Variants in CASP9 observed in about 807,000 individuals in gnomAD.
The protein encoded by CASP9 is caspase-9.
CASP9 carries 29 observed loss-of-function variants against 43.5 expected under a neutral mutation model. That is an observed-to-expected ratio of 0.67 (90% confidence interval 0.50 to 0.91). The LOEUF is 0.91. Ranked by LOEUF, CASP9 falls within the 40% of genes least tolerant of loss-of-function variation. The probability of loss-of-function intolerance (pLI) is 0.00; values close to 1 mark genes in which losing one functional copy is unlikely to be tolerated. For synonymous variants in CASP9, 206 were observed against 211.9 expected, an observed-to-expected ratio of 0.97 and a Z score of 0.24; for missense variants, 575 against 537.4, an observed-to-expected ratio of 1.07 and a Z score of -0.69.
chr1:15,520,517 G>A (rs1366895407), intron 1 of CASP9, among the ~76,000 whole-genome samples: 1 of 152,234 alleles, frequency 6.6e-6, no homozygotes, highest in Non-Finnish European at 1.5e-5. Flanking sequence ...ATAGGGTCAG[G>A]TGCTGAAGGG....
chr1:15,518,950 C>G (rs1359731893), intron 1 of CASP9, among the ~76,000 whole-genome samples: 2 of 152,030 alleles, frequency 1.3e-5, no homozygotes, highest in Admixed American at 6.6e-5. Flanking sequence ...TCTCAGCTCA[C>G]TGCAACCTCC....
intron 6 of CASP9, among the ~76,000 whole-genome samples, chr1:15,500,994 ACTGTATGCATGGCTTG>A (rs1709307823): frequency 6.6e-6 from 1 of 152,196 alleles, no homozygotes; most frequent in African/African-American, 2.4e-5. Flanking sequence ...GGTGTTCTGC[ACTGTATGCATGGCTTG>A]GTTCTTGGAG....
At chr1:15,519,041 AT>A (rs35665235) in intron 1 of CASP9, among the ~76,000 whole-genome samples, 31 of 150,054 alleles carry the variant, frequency 2.1e-4, no homozygotes, top group African/African-American at 5.6e-4. Context: ...TACCTGACTA[AT>A]TTTTTTTTTA....
rs116081892 is a variant in CASP9, at chr1:15,508,883, C to T, written c.419-976G>A. ...GAGGCTCTATCTTCCCTTTTGTTAC[C>T]ACAAGACAGTAAAGAAGTAGGCAAC... On this transcript the variant is annotated intron_variant, in intron 2 of 8. Coordinates refer to ENST00000333868, the MANE Select transcript of CASP9 (RefSeq NM_001229.5). 7.4e-3 allele frequency among the ~76,000 whole-genome samples: 1,127 copies of T among 152,164 alleles called. 4 individuals carry two copies. The highest frequency in any genetic ancestry group is 0.012 in the Non-Finnish European group (815 of 68,044).
chr1:15,522,760 C>T (rs914779182), intron 1 of CASP9, among the ~76,000 whole-genome samples: 3 of 152,090 alleles, frequency 2.0e-5, no homozygotes, highest in African/African-American at 7.2e-5. Context: ...TTGATATGGC[C>T]ATACTCAGCT....
In CASP9 at chr1:15,518,134, C is replaced by T; in HGVS notation, c.394G>A (p.Gly132Ser). 1 of 1,614,242 alleles carries T rather than the reference C, an allele frequency of 6.2e-7. No homozygotes were observed. Among genetic ancestry groups the T allele is most frequent in the South Asian group, 1.1e-5 (1 of 91,082 alleles). Residue 132 changes from glycine to serine, a missense_variant, in exon 2 of 9, where the codon GGT (glycine) becomes AGT (serine). Coordinates refer to ENST00000333868, the MANE Select transcript of CASP9 (RefSeq NM_001229.5). ...CCGACATCACCAAATCCTCCAGAAC[C>T]AATGTCCACTGGTCTGGGTGTTTCC... The part of the protein sequence containing the change: ...RPETPRPVDI[G>S]SGGFGDVGAL...
intron 1 of CASP9, among the ~76,000 whole-genome samples, chr1:15,520,531 T>C (rs564755918): frequency 6.6e-6 from 1 of 152,328 alleles, no homozygotes; most frequent in African/African-American, 2.4e-5. Flanking sequence ...TGAAGGGACA[T>C]TGTGAGAAGT....
chr1:15,494,269 G>C (rs2103324015), intron 7 of CASP9, among the ~76,000 whole-genome samples: 1 of 152,270 alleles, frequency 6.6e-6, no homozygotes, highest in Middle Eastern at 3.4e-3. Context: ...CAAGACATAA[G>C]AAAGGAAGGA....
intron 6 of CASP9, among the ~76,000 whole-genome samples, chr1:15,497,780 G>A (rs765122479): frequency 8.6e-5 from 13 of 151,912 alleles, no homozygotes; most frequent in Non-Finnish European, 1.3e-4. Flanking sequence ...GATGTTTTTT[G>A]CAGAAATAGA....
intron 5 of CASP9, among the ~76,000 whole-genome samples, chr1:15,505,702 G>T (rs189572993): frequency 2.1e-3 from 320 of 152,296 alleles, no homozygotes; most frequent in Non-Finnish European, 3.2e-3. Context: ...TGCTGTACCC[G>T]CCTCTGAACA....
chr1:15,518,371 CCCG>C lies in CASP9; in HGVS notation c.154_156del (p.Arg52del), dbSNP rs1246156392. 6.2e-7 allele frequency: 1 copy of C among 1,612,894 alleles called. No individual in the cohort carries two copies. The highest frequency in any genetic ancestry group is 8.5e-7 in the Non-Finnish European group (1 of 1,179,338). On this transcript the variant is annotated inframe_deletion, in exon 2 of 9. Transcript: ENST00000333868. ...TCTATGATCAGCTGCCTGGCCTGAT[CCCG>C]CCGAGATCCAGAGCCTGCCCGCTGT...
chr1:15,491,414 T>TTTA lies in CASP9; in HGVS notation c.*1526_*1528dup, dbSNP rs201963831. ...ATGCAAATCACATCTTGATGAGGGT[T>TTTA]TTATTATTATTATTAATTCAGAAAT... On this transcript the variant is annotated 3_prime_UTR_variant, in exon 9 of 9. Transcript: ENST00000333868. 31 of 1,444,352 alleles carry TTTA rather than the reference T, an allele frequency of 2.1e-5. No individual in the cohort carries two copies. Among genetic ancestry groups the TTTA allele is most frequent in the Non-Finnish European group, 2.5e-5 (26 of 1,033,430 alleles). 89.5% of individuals were successfully genotyped at this position (1,444,352 alleles called of 1,614,324 possible).
Position 15,524,149 on chromosome 1 carries a change from C to A in CASP9, c.52G>T (p.Glu18Ter), listed in dbSNP as rs1710341356. The change falls in exon 1 of 9, where the codon GAA becomes TAA. Residue 18 changes from glutamate (E) to a stop codon, truncating the protein, a stop_gained. Coordinates refer to ENST00000333868, the MANE Select transcript of CASP9 (RefSeq NM_001229.5). LOFTEE classifies it high-confidence loss of function. ...LLRRCRLRLV[E>*]ELQVDQLWDA... ...CAGAGCTGGTCCACCTGCAGCTCTTCCACCAGCCGCAGCCGGCACCGCCGC... is the reference window on the plus strand; with the variant it reads ...CAGAGCTGGTCCACCTGCAGCTCTTACACCAGCCGCAGCCGGCACCGCCGC... The A allele has an allele frequency of 6.5e-7, 1 of 1,540,370 alleles. No homozygotes were observed. Among genetic ancestry groups the A allele is most frequent in the Middle Eastern group, 2.2e-4 (1 of 4,448 alleles).
chr1:15,492,803 T>C lies in CASP9; in HGVS notation c.*140A>G. On this transcript the variant is annotated 3_prime_UTR_variant, in exon 9 of 9. Coordinates refer to ENST00000333868, the MANE Select transcript of CASP9 (RefSeq NM_001229.5). ...ATCTGGAAGCTGCTAAGAGCCTGTC[T>C]GTCACTGGCAGAGAAAGAGCAGACC... The C allele has an allele frequency of 8.5e-7, 1 of 1,176,154 alleles. No homozygotes were observed. Among genetic ancestry groups the C allele is most frequent in the Admixed American group, 2.3e-5 (1 of 43,672 alleles). 72.9% of individuals were successfully genotyped at this position (1,176,154 alleles called of 1,614,324 possible).
intron 6 of CASP9, among the ~76,000 whole-genome samples, chr1:15,496,866 T>G (rs977803100): frequency 6.6e-6 from 1 of 151,504 alleles, no homozygotes; most frequent in Non-Finnish European, 1.5e-5. Context: ...AATAAAAAAT[T>G]TAGCCAGGTG....
At position 15,506,009 on chromosome 1, in the gene CASP9, A is replaced by G; in HGVS notation, c.701T>C (p.Ile234Thr). The change falls in exon 5 of 9, where the codon ATT becomes ACT. Residue 234 changes from isoleucine (I) to threonine (T), a missense_variant. Coordinates refer to ENST00000333868, the MANE Select transcript of CASP9 (RefSeq NM_001229.5). ...HGALDCCVVV[I>T]LSHGCQASHL... ...TCCTACCTGACAGCCGTGAGAGAGA[A>G]TGACCACCACGCAGCAGTCCAGAGC... The G allele has an allele frequency of 6.2e-7, 1 of 1,614,094 alleles. No individual in the cohort carries two copies. The highest frequency in any genetic ancestry group is 8.5e-7 in the Non-Finnish European group (1 of 1,179,914).
At chr1:15,515,750 G>A (rs1295691621) in intron 2 of CASP9, among the ~76,000 whole-genome samples, 1 of 152,204 alleles carries the variant, frequency 6.6e-6, no homozygotes, top group Non-Finnish European at 1.5e-5. Flanking sequence ...CGCAGTTGGT[G>A]AGATTATAAA....
chr1:15,504,532 G>T, intron 6 of CASP9, 79 bp downstream of exon 6: 2 of 1,459,860 alleles, frequency 1.4e-6, no homozygotes, highest in Non-Finnish European at 1.9e-6. Flanking sequence ...GGCCCTGTGA[G>T]GGGCAGGCTG....
At chr1:15,504,989 T>C (rs1386329672) in intron 5 of CASP9, among the ~76,000 whole-genome samples, 4 of 152,202 alleles carry the variant, frequency 2.6e-5, no homozygotes, top group South Asian at 2.1e-4. Flanking sequence ...CCAGTGTGCC[T>C]GGAGAGTGCT....
Sources: allele counts gnomAD v4.1 joint callset (sites outside exome capture counted in the v4.1 genomes callset), GRCh38; gene constraint gnomAD v4.1.1; transcripts MANE v1.5; gene names NCBI Gene and HGNC (gene_info 2026-07-23, HGNC 2026-07-21).